VCAN: variants seen among roughly 807,000 people sequenced by gnomAD.
VCAN encodes versican core protein.
Under a neutral mutation model 245.5 loss-of-function variants are expected in VCAN, and 44 were observed. That is an observed-to-expected ratio of 0.18 (90% CI 0.14 to 0.23). The LOEUF is 0.23. VCAN is among the 10% of genes least tolerant of loss of function. The probability of loss-of-function intolerance (pLI) is 1.00; values close to 1 mark genes in which losing one functional copy is unlikely to be tolerated. For missense variants in VCAN, 3,793 were observed against 4,057.9 expected (o/e 0.93, Z 1.77); for synonymous variants, 1,413 against 1,437.0 (o/e 0.98, Z 0.38).
At chr5:83,558,895 A>C (rs1328251524) in intron 12 of VCAN, among the ~76,000 whole-genome samples, 2 of 152,164 alleles carry the variant, frequency 1.3e-5, no homozygotes, top group African/African-American at 4.8e-5. Flanking sequence ...ACAAAAGTGA[A>C]TTCATGAATA....
At chr5:83,522,863 A>G (rs545127944) in intron 7 of VCAN, among the ~76,000 whole-genome samples, 2 of 152,292 alleles carry the variant, frequency 1.3e-5, no homozygotes, top group East Asian at 1.9e-4. Context: ...TAAATGCAAC[A>G]TATTCTTATG....
rs562215290 is a variant in VCAN at position 83,580,402 on chromosome 5, T to C, written c.10159T>C (p.Trp3387Arg). 3.7e-6 allele frequency: 6 copies of C among 1,613,920 alleles called. No individual in the cohort carries two copies. The African/African-American group carries it at 4.0e-5, about 11-fold the overall frequency. ...SINTSKHDHR[W>R]SRRWQESRR ...AAATACATCCAAACATGATCATCGTTGGAGCCGGAGGTGGCAGGAGTCGAG... is the reference window on the plus strand; with the variant it reads ...AAATACATCCAAACATGATCATCGTCGGAGCCGGAGGTGGCAGGAGTCGAG... Residue 3387 changes from tryptophan to arginine, a missense_variant, in exon 15 of 15, where the codon TGG (tryptophan) becomes CGG (arginine). Trp to Arg is a moderately radical substitution (Grantham distance 101). Coordinates refer to ENST00000265077, the MANE Select transcript of VCAN (RefSeq NM_004385.5).
intron 10 of VCAN, among the ~76,000 whole-genome samples, chr5:83,550,991 A>G (rs545846184): frequency 2.0e-5 from 3 of 147,328 alleles, no homozygotes; most frequent in Non-Finnish European, 4.5e-5. Flanking sequence ...ATATATTTAT[A>G]GTCATTGGGA....
At chr5:83,524,057 C>T (rs1225643045) in intron 7 of VCAN, among the ~76,000 whole-genome samples, 3 of 152,010 alleles carry the variant, frequency 2.0e-5, no homozygotes, top group African/African-American at 7.2e-5. Flanking sequence ...ATATAAAACC[C>T]AGTAAAAATG....
intron 7 of VCAN, among the ~76,000 whole-genome samples, chr5:83,535,245 AGAATG>A (rs527321162): frequency 7.9e-5 from 12 of 152,106 alleles, no homozygotes; most frequent in Non-Finnish European, 8.8e-5. Flanking sequence ...CTGAATATAC[AGAATG>A]GAATGGAATG....
At chr5:83,532,738 G>A (rs886776227) in intron 7 of VCAN, among the ~76,000 whole-genome samples, 2 of 151,956 alleles carry the variant, frequency 1.3e-5, no homozygotes, top group Non-Finnish European at 2.9e-5. Flanking sequence ...AAAACCATTT[G>A]CAAGTTGTCG....
chr5:83,556,392 C>A (rs1747667381), intron 12 of VCAN, among the ~76,000 whole-genome samples: 1 of 152,092 alleles, frequency 6.6e-6, no homozygotes, highest in Non-Finnish European at 1.5e-5. Context: ...TTTGAGCAAC[C>A]CAAAATAAGA....
At chr5:83,555,450 C>T (rs1177545140) in intron 12 of VCAN, among the ~76,000 whole-genome samples, 2 of 152,186 alleles carry the variant, frequency 1.3e-5, no homozygotes, top group Non-Finnish European at 2.9e-5. Context: ...AGGCATGACT[C>T]ATTTCCAAGC....
At chr5:83,530,648 T>C (rs1409567305) in intron 7 of VCAN, among the ~76,000 whole-genome samples, 1 of 152,178 alleles carries the variant, frequency 6.6e-6, no homozygotes, top group African/African-American at 2.4e-5. Context: ...TAACATTACT[T>C]TTCATTGAGG....
chr5:83,568,373 T>C (rs1307957509), intron 12 of VCAN, among the ~76,000 whole-genome samples: 1 of 152,174 alleles, frequency 6.6e-6, no homozygotes, highest in East Asian at 1.9e-4. Context: ...ACCACAGAGC[T>C]AAAATTTGGT....
At chr5:83,547,633 C>T (rs922490575) in intron 9 of VCAN, among the ~76,000 whole-genome samples, 17 of 152,040 alleles carry the variant, frequency 1.1e-4, no homozygotes, top group Non-Finnish European at 2.5e-4. Flanking sequence ...GTTGATTCTT[C>T]ATTCGTTTTA....
In VCAN at chr5:83,509,044, G is replaced by A. The variant is rs189660582; in HGVS notation, c.749-3059G>A. Among the ~76,000 whole-genome samples the A allele has an allele frequency of 3.5e-3, 496 of 142,650 alleles. 2 individuals are homozygous for A. The highest frequency in any genetic ancestry group is 0.013 in the African/African-American group (475 of 36,982). 93.6% of individuals were successfully genotyped at this position (142,650 alleles called of 152,430 possible). ...TCTATCTTTTTTGAAAAGAAAGAAAGAAAGAAAGAGAAAGAAAGAAAAGAA... is the reference window on the plus strand; with the variant it reads ...TCTATCTTTTTTGAAAAGAAAGAAAAAAAGAAAGAGAAAGAAAGAAAAGAA... On this transcript the variant is annotated intron_variant, in intron 5 of 14. Transcript: ENST00000265077.
intron 7 of VCAN, among the ~76,000 whole-genome samples, chr5:83,523,605 A>C (rs1189721781): frequency 6.6e-6 from 1 of 151,938 alleles, no homozygotes; most frequent in Non-Finnish European, 1.5e-5. Context: ...ATAGGTTTCT[A>C]CTCTCCAGAA....
chr5:83,497,554 A>G (rs1395403927), intron 5 of VCAN, among the ~76,000 whole-genome samples: 1 of 152,210 alleles, frequency 6.6e-6, no homozygotes, highest in Admixed American at 6.5e-5. Flanking sequence ...ATGGTCTGGA[A>G]ATTATGATGG....
In VCAN at chr5:83,542,350, A is replaced by G. The variant is rs575204580; in HGVS notation, c.9265+82A>G. 3.1e-5 allele frequency: 44 copies of G among 1,420,044 alleles called. No homozygotes were observed. In the South Asian group the frequency reaches 4.6e-4, roughly 15 times the overall value. 88.0% of individuals were successfully genotyped at this position (1,420,044 alleles called of 1,614,324 possible). A position where few individuals can be genotyped will look rare whatever the true frequency, so the allele number is the denominator to read the frequency against. On this transcript the variant is annotated intron_variant, in intron 8 of 14. Coordinates refer to ENST00000265077, the MANE Select transcript of VCAN (RefSeq NM_004385.5). ...TAACGTTTATATGTATGTAATTTTT[A>G]TTGTGATGTTAAATCAATGGAGAGT...
At position 83,541,591 on chromosome 5, in the gene VCAN, A is replaced by T; in HGVS notation, c.8588A>T (p.Asp2863Val). 6.2e-7 allele frequency: 1 copy of T among 1,613,908 alleles called. No individual in the cohort carries two copies. Among genetic ancestry groups the T allele is most frequent in the South Asian group, 1.1e-5 (1 of 91,080 alleles). The change falls in exon 8 of 15, where the codon GAT (aspartate) becomes GTT (valine). Residue 2863 changes from aspartate (D) to valine (V), a missense_variant. Transcript: ENST00000265077. ...GGCTCATCTGTAATGTCCCCACAGG[A>T]TTCTTTTAAGGAAATTCATGTAAAT... ...DVGSSVMSPQ[D>V]SFKEIHVNIE...
chr5:83,508,805 T>G (rs924363997), intron 5 of VCAN, among the ~76,000 whole-genome samples: 3 of 152,232 alleles, frequency 2.0e-5, no homozygotes, highest in Admixed American at 2.0e-4. Context: ...TTTCTTGCAA[T>G]ATGTTTTATA....
intron 5 of VCAN, among the ~76,000 whole-genome samples, chr5:83,494,920 C>T (rs996712318): frequency 2.6e-5 from 4 of 152,022 alleles, no homozygotes; most frequent in Non-Finnish European, 5.9e-5. Flanking sequence ...GAGGCTGTAG[C>T]GAGCTGAGGA....
chr5:83,564,851 A>G (rs1182867714), intron 12 of VCAN, among the ~76,000 whole-genome samples: 1 of 152,160 alleles, frequency 6.6e-6, no homozygotes, highest in Admixed American at 6.5e-5. Flanking sequence ...GACTACACAC[A>G]TGTCAAGAAT....
Sources: allele counts gnomAD v4.1 joint callset (sites outside exome capture counted in the v4.1 genomes callset), GRCh38; gene constraint gnomAD v4.1.1; transcripts MANE v1.5; gene names NCBI Gene and HGNC (gene_info 2026-07-23, HGNC 2026-07-21).